Variants in EPB41L4B observed in about 807,000 individuals in gnomAD.
The protein encoded by EPB41L4B is erythrocyte membrane protein band 4.1 like 4B.
EPB41L4B carries 30 observed loss-of-function variants against 112.5 expected under a neutral mutation model. That is an observed-to-expected ratio of 0.27 (90% CI 0.20 to 0.36). The LOEUF is 0.36. Among genes scored for constraint, EPB41L4B ranks in the 10% least tolerant of loss-of-function variants. The pLI, the probability that EPB41L4B is intolerant of heterozygous loss-of-function variation, is 1.00. For synonymous variants in EPB41L4B, 408 were observed against 439.7 expected, an observed-to-expected ratio of 0.93 and a Z score of 0.90; for missense variants, 1,024 against 1,133.3, an observed-to-expected ratio of 0.90 and a Z score of 1.38.
chr9:109,247,468 T>A (rs1381792844), intron 14 of EPB41L4B, among the ~76,000 whole-genome samples: 1 of 152,194 alleles, frequency 6.6e-6, no homozygotes, highest in African/African-American at 2.4e-5. Context: ...AGGGGCTGTG[T>A]GTGGCCACCC....
intron 5 of EPB41L4B, 91 bp downstream of exon 5, chr9:109,264,889 G>A: frequency 8.2e-7 from 1 of 1,212,576 alleles, no homozygotes; most frequent in Non-Finnish European, 1.1e-6. Context: ...TTTTGAAAAG[G>A]GAACAAGGGT....
At chr9:109,313,871 T>A (rs1588241869) in intron 1 of EPB41L4B, among the ~76,000 whole-genome samples, 1 of 152,214 alleles carries the variant, frequency 6.6e-6, no homozygotes, top group Admixed American at 6.5e-5. Context: ...TTCATCATTT[T>A]AAAAACATGT....
At chr9:109,241,782 A>G (rs575510312) in intron 15 of EPB41L4B, 4 of 1,614,200 alleles carry the variant, frequency 2.5e-6, no homozygotes, top group Non-Finnish European at 3.4e-6. Context: ...ATGCTTTCCA[A>G]TGCGACCTGT....
chr9:109,265,654 A>G (rs998733764), intron 4 of EPB41L4B, among the ~76,000 whole-genome samples: 1 of 152,204 alleles, frequency 6.6e-6, no homozygotes, highest in Non-Finnish European at 1.5e-5. Flanking sequence ...AATAACACGC[A>G]TGGGGTTTAC....
intron 2 of EPB41L4B, among the ~76,000 whole-genome samples, chr9:109,278,174 C>T (rs1237103881): frequency 6.6e-6 from 1 of 152,090 alleles, no homozygotes; most frequent in Non-Finnish European, 1.5e-5. Context: ...TTGTTCTGCC[C>T]TTCTCCCGGG....
intron 15 of EPB41L4B, among the ~76,000 whole-genome samples, chr9:109,218,597 TC>T (rs1184057249): frequency 6.6e-6 from 1 of 151,954 alleles, no homozygotes; most frequent in Non-Finnish European, 1.5e-5. Context: ...AAAGCCACAA[TC>T]CTTTATGTGG....
intron 6 of EPB41L4B, among the ~76,000 whole-genome samples, chr9:109,260,008 G>C (rs554526458): frequency 6.6e-6 from 1 of 152,270 alleles, no homozygotes; most frequent in African/African-American, 2.4e-5. Flanking sequence ...ATGGGGTTGG[G>C]GAGAGGGGGC....
intron 1 of EPB41L4B, among the ~76,000 whole-genome samples, chr9:109,314,635 C>CCG (rs367966184): frequency 8.1e-6 from 1 of 123,864 alleles, no homozygotes; most frequent in African/African-American, 4.8e-5. Flanking sequence ...CCCTCTCTCA[C>CCG]CCCCCCCCAC....
intron 14 of EPB41L4B, among the ~76,000 whole-genome samples, chr9:109,243,972 G>C (rs572568242): frequency 6.6e-6 from 1 of 152,210 alleles, no homozygotes; most frequent in Admixed American, 6.5e-5. Context: ...GAAGGGGGTC[G>C]TCCGGAGTAC....
chr9:109,185,772 C>G (rs1216796064), intron 22 of EPB41L4B, among the ~76,000 whole-genome samples, 167 bp from the exon 23 acceptor site: 1 of 151,974 alleles, frequency 6.6e-6, no homozygotes, highest in Non-Finnish European at 1.5e-5. Flanking sequence ...CTTCCAGGCT[C>G]TGGCCAACTG....
chr9:109,296,532 C>T (rs144328036), intron 1 of EPB41L4B, among the ~76,000 whole-genome samples: 1 of 152,210 alleles, frequency 6.6e-6, no homozygotes, highest in Non-Finnish European at 1.5e-5. Flanking sequence ...CTGGGTTCAC[C>T]TATGGGACGG....
At chr9:109,304,082 A>G (rs2417996) in intron 1 of EPB41L4B, among the ~76,000 whole-genome samples, 141,737 of 152,284 alleles carry the variant, frequency 0.93, 66,121 homozygotes, top group East Asian at 1. Context: ...AGGTAATTTA[A>G]CTGTTTTGCA....
intron 13 of EPB41L4B, among the ~76,000 whole-genome samples, chr9:109,248,275 C>T (rs990690968): frequency 6.6e-6 from 1 of 152,196 alleles, no homozygotes; most frequent in African/African-American, 2.4e-5. Flanking sequence ...GGTCCCCTTG[C>T]TATTAAAACC....
chr9:109,313,752 G>C (rs1158337566), intron 1 of EPB41L4B, among the ~76,000 whole-genome samples: 6 of 152,196 alleles, frequency 3.9e-5, no homozygotes, highest in African/African-American at 1.4e-4. Context: ...GAAATGTAGA[G>C]AGGAGAGCCG....
In EPB41L4B at chr9:109,308,003, C is replaced by T. The variant is rs138590929; in HGVS notation, c.306+12138G>A. Among the ~76,000 whole-genome samples, 8 of 152,244 alleles carry T rather than the reference C, an allele frequency of 5.3e-5. No individual in the cohort carries two copies. The South Asian group carries it at 6.2e-4, about 12-fold the overall frequency. On this transcript the variant is annotated intron_variant, in intron 1 of 25. Coordinates refer to ENST00000374566, the MANE Select transcript of EPB41L4B (RefSeq NM_019114.5). ...AAGGCAGATGGGAAAGGCCTTTCGC[C>T]GCCTCCAGAATGAGATTTTGGACCA... is the stretch of plus-strand genomic sequence containing the variant.
chr9:109,262,452 G>GTGTGTGTGTGTGGGTGT (rs34849317), intron 6 of EPB41L4B, among the ~76,000 whole-genome samples: 1 of 149,556 alleles, frequency 6.7e-6, no homozygotes, highest in Non-Finnish European at 1.5e-5. Context: ...TGTGTGTGGG[G>GTGTGTGTGTGTGGGTGT]GTGTGTGTGT....
chr9:109,298,991 G>C (rs1836850514), intron 1 of EPB41L4B, among the ~76,000 whole-genome samples: 1 of 152,146 alleles, frequency 6.6e-6, no homozygotes, highest in East Asian at 1.9e-4. Context: ...AAAAATAGGA[G>C]GGAATTCTGC....
chr9:109,186,188 G>A (rs899081609), intron 22 of EPB41L4B, among the ~76,000 whole-genome samples: 4 of 151,822 alleles, frequency 2.6e-5, no homozygotes, highest in South Asian at 2.1e-4. Flanking sequence ...GAAACATATC[G>A]TTTCATTTCC....
intron 14 of EPB41L4B, 72 bp downstream of exon 14, chr9:109,247,684 A>G (rs1484589286): frequency 8.8e-6 from 10 of 1,140,628 alleles, no homozygotes; most frequent in African/African-American, 1.6e-5. Context: ...GAAACTTTAC[A>G]AAAACCTTTT....
Sources: allele counts gnomAD v4.1 joint callset (sites outside exome capture counted in the v4.1 genomes callset), GRCh38; gene constraint gnomAD v4.1.1; transcripts MANE v1.5; gene names NCBI Gene and HGNC (gene_info 2026-07-23, HGNC 2026-07-21).